Variants in DPP6 observed in about 807,000 individuals in gnomAD.
DPP6 encodes A-type potassium channel modulatory protein DPP6.
Under a neutral mutation model 122.6 loss-of-function variants are expected in DPP6, and 69 were observed. That is an observed-to-expected ratio of 0.56 (90% CI 0.46 to 0.69). DPP6 has a LOEUF of 0.69. Ranked by LOEUF, DPP6 falls within the 30% of genes least tolerant of loss-of-function variation. The probability of loss-of-function intolerance (pLI) is 0.00; values close to 1 mark genes in which losing one functional copy is unlikely to be tolerated. For missense variants in DPP6, 928 were observed against 1,116.9 expected (o/e 0.83, Z 2.41); for synonymous variants, 418 against 433.1 (o/e 0.97, Z 0.43).
the DPP6 span, among the ~76,000 whole-genome samples, chr7:153,850,921 A>G: frequency 1.3e-5 from 2 of 152,304 alleles, no homozygotes; most frequent in African/African-American, 4.8e-5. Flanking sequence ...ACACAAGTGC[A>G]TATGTCCCAG....
intron 1 of DPP6, among the ~76,000 whole-genome samples, chr7:154,338,237 C>A (rs4523165): frequency 0.068 from 10,354 of 152,138 alleles, 1,087 homozygotes; most frequent in African/African-American, 0.23. Flanking sequence ...TGGTCAGGGG[C>A]GGCTTTCCAA....
intron 4 of DPP6, among the ~76,000 whole-genome samples, chr7:154,560,868 G>A (rs1467485515): frequency 6.9e-6 from 1 of 145,814 alleles, no homozygotes; most frequent in African/African-American, 2.6e-5. Context: ...GGGTGACAGA[G>A]TGAGACTCCG....
intron 16 of DPP6, among the ~76,000 whole-genome samples, chr7:154,842,442 G>A (rs561954606): frequency 6.6e-6 from 1 of 152,202 alleles, no homozygotes; most frequent in Non-Finnish European, 1.5e-5. Flanking sequence ...CTCTGGAATT[G>A]TCACATTTCT....
chr7:154,287,832 T>A (rs917175884), intron 1 of DPP6, among the ~76,000 whole-genome samples: 1 of 152,164 alleles, frequency 6.6e-6, no homozygotes, highest in Admixed American at 6.5e-5. Flanking sequence ...GGGAAGGTTG[T>A]CCTGAGATGT....
the DPP6 span, among the ~76,000 whole-genome samples, chr7:153,750,517 G>A: frequency 7.6e-6 from 1 of 131,942 alleles, no homozygotes; most frequent in East Asian, 2.1e-4. Context: ...TTGGACTGTA[G>A]AGTATTGCCA....
At chr7:154,080,484 A>G (rs1371999560) in intron 1 of DPP6, among the ~76,000 whole-genome samples, 2 of 152,194 alleles carry the variant, frequency 1.3e-5, no homozygotes, top group East Asian at 3.9e-4. Flanking sequence ...CCTTGATGTT[A>G]TTGCACAAAT....
intron 4 of DPP6, among the ~76,000 whole-genome samples, chr7:154,558,716 C>T (rs2130453946): frequency 6.6e-6 from 1 of 152,308 alleles, no homozygotes; most frequent in South Asian, 2.1e-4. Context: ...GCTGTACCAT[C>T]TAGGTTCGTG....
At chr7:153,773,729 C>A in the DPP6 span, among the ~76,000 whole-genome samples, 1 of 150,974 alleles carries the variant, frequency 6.6e-6, no homozygotes, top group Non-Finnish European at 1.5e-5. Context: ...ATTTATACAA[C>A]TAAATTCTTA....
intron 1 of DPP6, among the ~76,000 whole-genome samples, chr7:153,965,866 G>A (rs901262292): frequency 7.7e-5 from 11 of 143,016 alleles, no homozygotes; most frequent in African/African-American, 2.9e-4. Context: ...CCTGGAAACG[G>A]GCTTGCTTTG....
chr7:154,663,262 G>T (rs6968241), intron 6 of DPP6, among the ~76,000 whole-genome samples: 2 of 42,348 alleles, frequency 4.7e-5, no homozygotes, highest in East Asian at 9.3e-4. Flanking sequence ...CGTATTGGCC[G>T]TAGTGTTCAT....
intron 1 of DPP6, among the ~76,000 whole-genome samples, chr7:154,228,455 A>G (rs181310675): frequency 2.6e-5 from 4 of 152,314 alleles, no homozygotes; most frequent in Admixed American, 2.6e-4. Context: ...TGTTTCAAAT[A>G]GGTCATTATT....
chr7:154,637,900 A>G, intron 6 of DPP6, 27 bp downstream of exon 6: 2 of 1,554,730 alleles, frequency 1.3e-6, no homozygotes, highest in Non-Finnish European at 1.7e-6. Context: ...CTTTCTTTTA[A>G]TTAGAAATAT....
chr7:154,019,381 T>A (rs968302826), intron 1 of DPP6, among the ~76,000 whole-genome samples: 4 of 152,014 alleles, frequency 2.6e-5, no homozygotes, highest in Admixed American at 2.0e-4. Context: ...CTCTTTCTAT[T>A]TCTTCTTTCT....
rs535453018 is a variant in DPP6 at position 154,073,410 on chromosome 7, G to C, written c.243+20347G>C. ...TGCGCTTCCTCCTGTCGTCTCCTTT[G>C]CTCCTCTCCGTGGCTCTGGCTCCTG... On this transcript the variant is annotated intron_variant, in intron 1 of 25. Transcript: ENST00000377770. Among the ~76,000 whole-genome samples, 7 of 152,346 alleles carry C rather than the reference G, an allele frequency of 4.6e-5. No individual in the cohort carries two copies. In the East Asian group the frequency reaches 1.4e-3, roughly 29 times the overall value.
intron 1 of DPP6, among the ~76,000 whole-genome samples, chr7:154,077,002 A>T (rs1441157300): frequency 6.6e-6 from 1 of 152,168 alleles, no homozygotes; most frequent in Non-Finnish European, 1.5e-5. Flanking sequence ...TACCATGTAG[A>T]TTTCTTGTTC....
At chr7:154,564,943 A>G (rs1479222552) in intron 4 of DPP6, among the ~76,000 whole-genome samples, 1 of 152,030 alleles carries the variant, frequency 6.6e-6, no homozygotes, top group Non-Finnish European at 1.5e-5. Flanking sequence ...ATTTTTTTGC[A>G]TGTTTGTAAC....
rs538053470 is a variant in DPP6 at position 154,292,018 on chromosome 7, G to A, written c.244-154196G>A. Among the ~76,000 whole-genome samples, 4 of 152,194 alleles carry A rather than the reference G, an allele frequency of 2.6e-5. No individual in the cohort carries two copies. The South Asian group carries it at 8.3e-4, about 32-fold the overall frequency. On this transcript the variant is annotated intron_variant, in intron 1 of 25. Coordinates refer to ENST00000377770, the MANE Select transcript of DPP6 (RefSeq NM_130797.4). ...GGACGTCTGAAAGCAGATGAGGAGA[G>A]GAAAGGAAGAAGGTAGCCCTGAACC...
intron 8 of DPP6, among the ~76,000 whole-genome samples, chr7:154,747,009 C>G (rs1322800493): frequency 1.3e-5 from 2 of 152,168 alleles, no homozygotes; most frequent in Admixed American, 6.5e-5. Context: ...CAGTTACAAT[C>G]ATGCAGGATC....
chr7:154,330,032 G>A (rs1390260570), intron 1 of DPP6, among the ~76,000 whole-genome samples: 2 of 152,174 alleles, frequency 1.3e-5, no homozygotes, highest in East Asian at 3.9e-4. Context: ...GGCCTGTCGG[G>A]CGGTGGAGGG....
Sources: gnomAD v4.1 joint callset for allele counts (sites outside exome capture counted in the v4.1 genomes callset) on GRCh38, gnomAD v4.1.1 for gene constraint, MANE v1.5 for transcripts, NCBI Gene and HGNC (gene_info 2026-07-23, HGNC 2026-07-21) for gene names.